PLEKHM3: variants seen among roughly 807,000 people sequenced by gnomAD.
PLEKHM3 encodes pleckstrin homology domain containing M3.
Under a neutral mutation model 81.8 loss-of-function variants are expected in PLEKHM3, and 45 were observed. That is an observed-to-expected ratio of 0.55 (90% confidence interval 0.43 to 0.71). The LOEUF (loss-of-function observed/expected upper bound fraction) is 0.71. PLEKHM3 is among the 30% of genes least tolerant of loss of function. The pLI, the probability that PLEKHM3 is intolerant of heterozygous loss-of-function variation, is 0.00. For missense variants in PLEKHM3, 788 were observed against 924.3 expected, an observed-to-expected ratio of 0.85 and a Z score of 1.91; for synonymous variants, 352 against 356.4, an observed-to-expected ratio of 0.99 and a Z score of 0.14.
At chr2:207,969,670 C>G (rs1487621242) in intron 3 of PLEKHM3, among the ~76,000 whole-genome samples, 1 of 152,172 alleles carries the variant, frequency 6.6e-6, no homozygotes, top group East Asian at 1.9e-4. Context: ...TAACTAGGAG[C>G]TATTAATTAT....
chr2:207,909,814 C>T (rs1303953921), intron 5 of PLEKHM3, among the ~76,000 whole-genome samples: 1 of 152,216 alleles, frequency 6.6e-6, no homozygotes, highest in African/African-American at 2.4e-5. Context: ...AATAATCTTG[C>T]TCACTGGGAA....
At chr2:207,845,872 C>A (rs996761886) in intron 7 of PLEKHM3, among the ~76,000 whole-genome samples, 8 of 152,208 alleles carry the variant, frequency 5.3e-5, no homozygotes, top group Admixed American at 5.2e-4. Context: ...GTGGACTGAA[C>A]TGCAATTTGG....
chr2:207,879,296 C>T (rs944473434), intron 6 of PLEKHM3, among the ~76,000 whole-genome samples: 2 of 152,206 alleles, frequency 1.3e-5, no homozygotes, highest in African/African-American at 4.8e-5. Context: ...TCTCAAGTCA[C>T]ACTCTTTCAC....
intron 4 of PLEKHM3, among the ~76,000 whole-genome samples, chr2:207,937,994 C>T (rs966226807): frequency 1.3e-5 from 2 of 152,124 alleles, no homozygotes; most frequent in African/African-American, 4.8e-5. Context: ...TCCTCAGCTC[C>T]ACAAGGGCAG....
chr2:207,865,829 T>C (rs1292748257), intron 6 of PLEKHM3, among the ~76,000 whole-genome samples: 2 of 111,796 alleles, frequency 1.8e-5, no homozygotes, highest in Non-Finnish European at 3.7e-5. Flanking sequence ...TATATATATA[T>C]ATATATATAC....
chr2:207,866,442 C>A (rs2092501534), intron 6 of PLEKHM3, among the ~76,000 whole-genome samples: 1 of 152,180 alleles, frequency 6.6e-6, no homozygotes, highest in South Asian at 2.1e-4. Flanking sequence ...TAGGTGTGAG[C>A]CACTGGGCCT....
intron 7 of PLEKHM3, among the ~76,000 whole-genome samples, chr2:207,838,071 C>T (rs903772685): frequency 2.6e-5 from 4 of 152,016 alleles, no homozygotes; most frequent in Admixed American, 2.6e-4. Flanking sequence ...CGCGCCCGGC[C>T]TCGAGTTCTC....
At chr2:207,984,213 T>C (rs993069130) in intron 2 of PLEKHM3, among the ~76,000 whole-genome samples, 3 of 152,220 alleles carry the variant, frequency 2.0e-5, no homozygotes, top group African/African-American at 4.8e-5. Flanking sequence ...CTTGCTGGTA[T>C]GTTTGAAAGC....
chr2:207,885,082 A>G (rs573782055), intron 6 of PLEKHM3, among the ~76,000 whole-genome samples: 2 of 152,360 alleles, frequency 1.3e-5, no homozygotes, highest in East Asian at 3.9e-4. Context: ...GACACTGCAG[A>G]GTTAGTAAAA....
chr2:207,859,887 G>A (rs936997561), intron 7 of PLEKHM3, among the ~76,000 whole-genome samples: 1 of 152,096 alleles, frequency 6.6e-6, no homozygotes, highest in Non-Finnish European at 1.5e-5. Context: ...GTGAGCCACC[G>A]CACCCAGCCT....
At chr2:207,900,071 T>C (rs1688367444) in intron 6 of PLEKHM3, 1 of 152,220 alleles carries the variant, frequency 6.6e-6, no homozygotes, top group Non-Finnish European at 1.5e-5. Flanking sequence ...TATTATGGGC[T>C]CACACATTTT....
intron 2 of PLEKHM3, among the ~76,000 whole-genome samples, chr2:207,994,922 C>G (rs984547836): frequency 1.3e-5 from 2 of 152,162 alleles, no homozygotes; most frequent in Non-Finnish European, 2.9e-5. Flanking sequence ...CTCCATAAGG[C>G]AAGGCAATCT....
chr2:207,902,997 C>T (rs1688489971), intron 6 of PLEKHM3, among the ~76,000 whole-genome samples: 1 of 152,052 alleles, frequency 6.6e-6, no homozygotes, highest in Non-Finnish European at 1.5e-5. Flanking sequence ...CTGGTCACTC[C>T]TCTCTCTTTT....
chr2:207,926,214 T>A (rs1167072885), intron 5 of PLEKHM3, among the ~76,000 whole-genome samples: 1 of 152,004 alleles, frequency 6.6e-6, no homozygotes, highest in East Asian at 1.9e-4. Context: ...ATGAGGGAAG[T>A]TCTGTGTAAT....
chr2:207,960,433 T>C lies in PLEKHM3; in HGVS notation c.1547-13921A>G, dbSNP rs1574445736. Among the ~76,000 whole-genome samples the C allele has an allele frequency of 3.9e-5, 6 of 152,338 alleles. No homozygotes were observed. The South Asian group carries it at 1.2e-3, about 32-fold the overall frequency. ...TGTCTGCTGTGGTAAGAGGACATCATGCCCTTCAGGACTCCAGCTGTGGCC... is the reference window on the plus strand; with the variant it reads ...TGTCTGCTGTGGTAAGAGGACATCACGCCCTTCAGGACTCCAGCTGTGGCC... On this transcript the variant is annotated intron_variant, in intron 3 of 7. Transcript: ENST00000427836.
intron 1 of PLEKHM3, among the ~76,000 whole-genome samples, chr2:208,019,911 C>G (rs1474029286): frequency 6.6e-6 from 1 of 152,200 alleles, no homozygotes; most frequent in Non-Finnish European, 1.5e-5. Context: ...TAATGAATCC[C>G]TGAACGTGGA....
At chr2:207,931,752 C>G (rs1328462516) in intron 4 of PLEKHM3, among the ~76,000 whole-genome samples, 1 of 152,028 alleles carries the variant, frequency 6.6e-6, no homozygotes, top group Non-Finnish European at 1.5e-5. Context: ...GCGGGCAGAT[C>G]ACTTGAGGTC....
Position 207,861,239 on chromosome 2 carries a change from T to G in PLEKHM3, c.1974A>C (p.Pro658=), listed in dbSNP as rs772911934. Residue 658 remains proline, a synonymous_variant, in exon 7 of 8, where the codon CCA becomes CCC. Coordinates refer to ENST00000427836, the MANE Select transcript of PLEKHM3 (RefSeq NM_001080475.3). ...CAAATTTAATGACCTTGCCCAAGAA[T>G]GGAGCCAGCTTTCCCTCTATTACCT... ...LQQVIEGKLA[P]FLGKVIKFAT... 6.2e-7 allele frequency: 1 copy of G among 1,614,060 alleles called. No homozygotes were observed. The highest frequency in any genetic ancestry group is 1.1e-5 in the South Asian group (1 of 91,062).
At chr2:207,924,598 T>A (rs1574411771) in intron 5 of PLEKHM3, among the ~76,000 whole-genome samples, 1 of 152,042 alleles carries the variant, frequency 6.6e-6, no homozygotes, top group African/African-American at 2.4e-5. Context: ...GGCAGGAGAA[T>A]TGCTTGAACC....
Sources: gnomAD v4.1 joint callset for allele counts (sites outside exome capture counted in the v4.1 genomes callset) on GRCh38, gnomAD v4.1.1 for gene constraint, MANE v1.5 for transcripts, NCBI Gene and HGNC (gene_info 2026-07-23, HGNC 2026-07-21) for gene names.